IL1RL2: variants seen among roughly 807,000 people sequenced by gnomAD.
IL1RL2 encodes interleukin 1 receptor like 2.
Under a neutral mutation model 66.8 loss-of-function variants are expected in IL1RL2, and 68 were observed. The observed-to-expected ratio is 1.02, with a 90% confidence interval of 0.84 to 1.25. IL1RL2 has a LOEUF of 1.25. Ranked by LOEUF, IL1RL2 falls within the 50% of genes most tolerant of loss-of-function variation. The pLI is 0.00. For synonymous variants in IL1RL2, 305 were observed against 264.6 expected (o/e 1.15, Z -1.48); for missense variants, 729 against 709.3 (o/e 1.03, Z -0.32).
chr2:102,231,319 G>A (rs1425804577), intron 9 of IL1RL2, among the ~76,000 whole-genome samples: 5 of 152,000 alleles, frequency 3.3e-5, no homozygotes, highest in East Asian at 1.9e-4. Flanking sequence ...CCAACATAAC[G>A]AAACCCCGTC....
At chr2:102,235,550 C>T (rs1336066336) in intron 11 of IL1RL2, 13 of 985,318 alleles carry the variant, frequency 1.3e-5, no homozygotes, top group African/African-American at 1.0e-4. Flanking sequence ...TGGATGGATA[C>T]AGCACTTGGG....
chr2:102,195,557 TTCTCTTTC>T (rs1355784532), intron 4 of IL1RL2, among the ~76,000 whole-genome samples: 14,990 of 113,718 alleles, frequency 0.13, 2,765 homozygotes, highest in South Asian at 0.15. Flanking sequence ...ATTTCTTTCT[TTCTCTTTC>T]TTTCTTTCTT....
At chr2:102,200,117 CAAA>C (rs35208716) in intron 4 of IL1RL2, among the ~76,000 whole-genome samples, 15 of 95,130 alleles carry the variant, frequency 1.6e-4, no homozygotes, top group African/African-American at 2.8e-4. Flanking sequence ...CCTGTTCCAG[CAAA>C]AAAAAAAAAA....
intron 11 of IL1RL2, among the ~76,000 whole-genome samples, chr2:102,238,496 A>C (rs574516733): frequency 2.0e-5 from 3 of 152,292 alleles, no homozygotes; most frequent in Non-Finnish European, 2.9e-5. Flanking sequence ...AGGGCCCCCC[A>C]CACCCATCAG....
intron 4 of IL1RL2, among the ~76,000 whole-genome samples, chr2:102,193,755 T>A (rs1418911191): frequency 6.6e-6 from 1 of 152,216 alleles, no homozygotes; most frequent in Non-Finnish European, 1.5e-5. Flanking sequence ...ACCTTTTTAT[T>A]TTATTTTGCT....
At chr2:102,234,554 G>A (rs1674676022) in intron 10 of IL1RL2, among the ~76,000 whole-genome samples, 2 of 152,204 alleles carry the variant, frequency 1.3e-5, no homozygotes, top group South Asian at 4.1e-4. Context: ...AGCACCTTGA[G>A]AGGCCGAGGT....
chr2:102,200,235 C>T (rs12474258), intron 4 of IL1RL2, among the ~76,000 whole-genome samples: 95,265 of 151,730 alleles, frequency 0.63, 30,160 homozygotes, highest in Admixed American at 0.69. Flanking sequence ...TTTTGTTTGA[C>T]AAGCAGTTGT....
chr2:102,212,865 A>G lies in IL1RL2; in HGVS notation c.724+691A>G, dbSNP rs781671770. ...GCGCCTGTAGTCCCAGCTACTTGGG[A>G]GGCCGAGGCAGGAGAATGGCGTGAA... is the stretch of plus-strand genomic sequence containing the variant. On this transcript the variant is annotated intron_variant, in intron 6 of 11. Coordinates refer to ENST00000264257, the MANE Select transcript of IL1RL2 (RefSeq NM_003854.4). 7.0e-4 allele frequency among the ~76,000 whole-genome samples: 107 copies of G among 152,186 alleles called. 1 individual carries two copies. Among genetic ancestry groups the G allele is most frequent in the African/African-American group, 2.5e-3 (103 of 41,452 alleles).
intron 5 of IL1RL2, among the ~76,000 whole-genome samples, chr2:102,211,795 G>T (rs1012875858): frequency 3.9e-5 from 6 of 151,974 alleles, no homozygotes; most frequent in Non-Finnish European, 8.8e-5. Context: ...AAGTGTTTTT[G>T]GATTATTAAG....
At chr2:102,223,785 A>G (rs1198450330) in intron 8 of IL1RL2, among the ~76,000 whole-genome samples, 1 of 152,190 alleles carries the variant, frequency 6.6e-6, no homozygotes, top group Non-Finnish European at 1.5e-5. Flanking sequence ...CCCAGACACG[A>G]GTCGTCCCAA....
chr2:102,232,344 C>G (rs1395119241), intron 9 of IL1RL2, among the ~76,000 whole-genome samples: 1 of 152,056 alleles, frequency 6.6e-6, no homozygotes, highest in Non-Finnish European at 1.5e-5. Flanking sequence ...AACTCCTGAC[C>G]TCAGGTGATC....
In IL1RL2 at chr2:102,236,782, C is replaced by T. The variant is rs539089714; in HGVS notation, c.1678+1505C>T. On this transcript the variant is annotated intron_variant, in intron 11 of 11. Coordinates refer to ENST00000264257, the MANE Select transcript of IL1RL2 (RefSeq NM_003854.4). Reference sequence around the variant, plus strand: ...GCCTCCCCATTGCTCTGAGGTAGGACATAAAATACATTTTAAGAATAACAG... The same window carrying T: ...GCCTCCCCATTGCTCTGAGGTAGGATATAAAATACATTTTAAGAATAACAG... Among the ~76,000 whole-genome samples the T allele has an allele frequency of 2.6e-5, 4 of 152,208 alleles. No individual in the cohort carries two copies. In the South Asian group the frequency reaches 8.3e-4, roughly 32 times the overall value.
At chr2:102,190,798 G>A (rs1233900865) in intron 3 of IL1RL2, among the ~76,000 whole-genome samples, 1 of 152,186 alleles carries the variant, frequency 6.6e-6, no homozygotes, top group Non-Finnish European at 1.5e-5. Flanking sequence ...TCTGGATGTC[G>A]AAGCTAGACT....
intron 9 of IL1RL2, among the ~76,000 whole-genome samples, chr2:102,231,508 TA>T (rs1051703463): frequency 2.9e-5 from 4 of 140,302 alleles, no homozygotes; most frequent in Non-Finnish European, 6.0e-5. Context: ...AAAAATAAAA[TA>T]AAAAAATAAA....
At chr2:102,187,444 C>A in intron 1 of IL1RL2, 1 of 1,036,746 alleles carries the variant, frequency 9.6e-7, no homozygotes, top group Non-Finnish European at 1.2e-6. Context: ...GCAGGGGAGG[C>A]TCCGTGCGCC....
At chr2:102,208,343 C>G (rs774973884) in intron 5 of IL1RL2, among the ~76,000 whole-genome samples, 2 of 152,162 alleles carry the variant, frequency 1.3e-5, no homozygotes, top group African/African-American at 2.4e-5. Context: ...TTACAGAGTT[C>G]CAGGAGGGGA....
At chr2:102,221,216 T>A (rs1690097621) in intron 8 of IL1RL2, among the ~76,000 whole-genome samples, 1 of 152,204 alleles carries the variant, frequency 6.6e-6, no homozygotes, top group Non-Finnish European at 1.5e-5. Context: ...CCAGTCAGTC[T>A]TGTGTTTGCC....
At chr2:102,193,362 T>G (rs1224599449) in intron 4 of IL1RL2, among the ~76,000 whole-genome samples, 4 of 152,238 alleles carry the variant, frequency 2.6e-5, no homozygotes, top group Non-Finnish European at 5.9e-5. Flanking sequence ...CACAAATTGC[T>G]TCACAGAATT....
intron 4 of IL1RL2, among the ~76,000 whole-genome samples, chr2:102,192,474 C>T (rs1021866925): frequency 6.6e-6 from 1 of 152,154 alleles, no homozygotes; most frequent in African/African-American, 2.4e-5. Flanking sequence ...CCTGGAAAAC[C>T]TCTTTCCTGC....
Sources: gnomAD v4.1 joint callset for allele counts (sites outside exome capture counted in the v4.1 genomes callset) on GRCh38, gnomAD v4.1.1 for gene constraint, MANE v1.5 for transcripts, NCBI Gene and HGNC (gene_info 2026-07-23, HGNC 2026-07-21) for gene names.